The following HM13 variants were observed in gnomAD, a reference collection of about 807,000 sequenced individuals.
The protein encoded by HM13 is histocompatibility minor 13.
Under a neutral mutation model 50.0 loss-of-function variants are expected in HM13, and 18 were observed. The ratio of observed to expected loss-of-function variants is 0.36; its 90% CI spans 0.25 to 0.53. The LOEUF (loss-of-function observed/expected upper bound fraction) is 0.53, where lower values mean the gene tolerates loss of function less well. Ranked by LOEUF, HM13 falls within the 20% of genes least tolerant of loss-of-function variation. HM13 has a pLI of 0.90. For missense variants in HM13, 393 were observed against 552.4 expected (o/e 0.71, Z 2.89); for synonymous variants, 197 against 232.6 (o/e 0.85, Z 1.39).
chr20:31,544,922 C>G, intron 3 of HM13, 25 bp from the exon 4 acceptor site: 1 of 1,607,104 alleles, frequency 6.2e-7, no homozygotes, highest in Non-Finnish European at 8.5e-7. Context: ...CTCTGTTTGC[C>G]GACTTGCTTT....
intron 8 of HM13, among the ~76,000 whole-genome samples, chr20:31,556,302 G>A (rs368827202): frequency 6.6e-6 from 1 of 152,060 alleles, no homozygotes; most frequent in South Asian, 2.1e-4. Flanking sequence ...CCCCCACAAA[G>A]TGCTGAGATT....
intron 9 of HM13, among the ~76,000 whole-genome samples, chr20:31,560,882 T>C (rs928787640): frequency 6.6e-6 from 1 of 152,228 alleles, no homozygotes; most frequent in African/African-American, 2.4e-5. Context: ...GAAGCACTCA[T>C]TCATTCCACA....
intron 3 of HM13, chr20:31,539,621 C>A: frequency 2.2e-6 from 1 of 459,358 alleles, no homozygotes; most frequent in Non-Finnish European, 2.9e-6. Context: ...TGGTGAAACC[C>A]CGTCTCTACT....
intron 1 of HM13, among the ~76,000 whole-genome samples, chr20:31,522,414 T>A (rs540764671): frequency 6.6e-6 from 1 of 152,044 alleles, no homozygotes; most frequent in Non-Finnish European, 1.5e-5. Context: ...AATACAAAAT[T>A]AGCTGGGTGT....
At chr20:31,537,087 T>G (rs1449178589) in intron 2 of HM13, among the ~76,000 whole-genome samples, 3 of 152,220 alleles carry the variant, frequency 2.0e-5, no homozygotes, top group Non-Finnish European at 4.4e-5. Context: ...AAAGCTTCCC[T>G]GATCTGGGAG....
chr20:31,539,355 AG>A, intron 3 of HM13: 1 of 985,490 alleles, frequency 1.0e-6, no homozygotes, highest in Non-Finnish European at 1.2e-6. Flanking sequence ...AGAGGTGGCC[AG>A]GGTTCCCAGA....
intron 4 of HM13, chr20:31,547,550 A>G: frequency 1.0e-6 from 1 of 968,466 alleles, no homozygotes; most frequent in South Asian, 1.4e-5. Flanking sequence ...AACTGCATCC[A>G]GTTGAAAACG....
chr20:31,562,695 G>T (rs1394521831), intron 10 of HM13: 3 of 152,138 alleles, frequency 2.0e-5, no homozygotes, highest in Admixed American at 2.0e-4. Context: ...TAATCACTCT[G>T]TGCCAGGCAC....
intron 1 of HM13, 35 bp from the exon 2 acceptor site, chr20:31,527,449 C>T (rs756430767): frequency 2.5e-5 from 37 of 1,456,180 alleles, no homozygotes; most frequent in Non-Finnish European, 3.4e-5. Context: ...TGGGAACCAG[C>T]CGTGCTGAGC....
At chr20:31,527,343 A>C in intron 1 of HM13, 141 bp from the exon 2 acceptor site, 1 of 630,984 alleles carries the variant, frequency 1.6e-6, no homozygotes, top group South Asian at 2.0e-5. Flanking sequence ...ATCTCAAAAA[A>C]AAAAAAATGG....
intron 1 of HM13, among the ~76,000 whole-genome samples, chr20:31,515,730 C>G (rs1448038086): frequency 6.6e-6 from 1 of 152,162 alleles, no homozygotes; most frequent in Non-Finnish European, 1.5e-5. Context: ...CTCCCCCTTC[C>G]CTGCCCCACT....
intron 8 of HM13, among the ~76,000 whole-genome samples, chr20:31,555,269 C>T (rs1190822555): frequency 3.9e-5 from 6 of 152,236 alleles, no homozygotes; most frequent in Admixed American, 3.3e-4. Context: ...CCCCCTTGCT[C>T]CTCCTCCCTG....
At chr20:31,519,311 G>C (rs185129018) in intron 1 of HM13, among the ~76,000 whole-genome samples, 1 of 152,208 alleles carries the variant, frequency 6.6e-6, no homozygotes. Context: ...AGGTTGTCCA[G>C]GCTGGTCCTG....
intron 10 of HM13, 39 bp from the exon 11 acceptor site, chr20:31,566,171 G>T: frequency 6.5e-7 from 1 of 1,539,976 alleles, no homozygotes; most frequent in Non-Finnish European, 9.0e-7. Context: ...AGGCAGTGCC[G>T]TGCCCAGCAT....
At chr20:31,530,813 C>T (rs914819297) in intron 2 of HM13, among the ~76,000 whole-genome samples, 4 of 152,142 alleles carry the variant, frequency 2.6e-5, no homozygotes, top group Non-Finnish European at 5.9e-5. Flanking sequence ...TTGTCGTGAA[C>T]ACTTCATACA....
intron 9 of HM13, among the ~76,000 whole-genome samples, chr20:31,560,215 T>C (rs1984530126): frequency 6.6e-6 from 1 of 152,004 alleles, no homozygotes; most frequent in Admixed American, 6.5e-5. Context: ...ACAAGAAAGG[T>C]CTTATCCAAG....
At chr20:31,542,933 G>A (rs555016232) in intron 3 of HM13, among the ~76,000 whole-genome samples, 22 of 152,240 alleles carry the variant, frequency 1.4e-4, no homozygotes, top group Admixed American at 3.9e-4. Context: ...GTCTGGCTCC[G>A]GAGTCCATGT....
At chr20:31,537,533 A>G (rs901475733) in intron 2 of HM13, among the ~76,000 whole-genome samples, 1 of 152,248 alleles carries the variant, frequency 6.6e-6, no homozygotes, top group African/African-American at 2.4e-5. Context: ...TGCAGCAAAC[A>G]TGGTGTACCA....
intron 2 of HM13, 48 bp downstream of exon 2, chr20:31,527,630 CTTATT>C: frequency 7.7e-7 from 1 of 1,300,248 alleles, no homozygotes; most frequent in Non-Finnish European, 1.1e-6. Context: ...ATGACTTTAT[CTTATT>C]TTGTTTTATT....
Sources: gnomAD v4.1 joint callset for allele counts (sites outside exome capture counted in the v4.1 genomes callset) on GRCh38, gnomAD v4.1.1 for gene constraint, MANE v1.5 for transcripts, NCBI Gene and HGNC (gene_info 2026-07-23, HGNC 2026-07-21) for gene names.